AFG3L2: variants seen among roughly 807,000 people sequenced by gnomAD.
The protein encoded by AFG3L2 is mitochondrial inner membrane m-AAA protease component AFG3L2.
In AFG3L2, 54 loss-of-function variants were observed where a neutral mutation model predicts 94.5. That is an observed-to-expected ratio of 0.57 (90% CI 0.46 to 0.72). The LOEUF is 0.72. Ranked by LOEUF, AFG3L2 falls within the 30% of genes least tolerant of loss-of-function variation. The pLI is 0.00. For missense variants in AFG3L2, 754 were observed against 994.9 expected (o/e 0.76, Z 3.26); for synonymous variants, 377 against 365.5 (o/e 1.03, Z -0.36).
At chr18:12,359,788 TA>T in intron 7 of AFG3L2, 138 bp downstream of exon 7, 1 of 1,100,032 alleles carries the variant, frequency 9.1e-7, no homozygotes, top group Non-Finnish European at 1.3e-6. Flanking sequence ...AGTGAGTTAC[TA>T]ATAGTTTTTT....
At chr18:12,345,257 T>C (rs1392778016) in intron 13 of AFG3L2, among the ~76,000 whole-genome samples, 2 of 152,268 alleles carry the variant, frequency 1.3e-5, no homozygotes, top group Non-Finnish European at 2.9e-5. Flanking sequence ...ACCACAGTGC[T>C]GACCGGACTC....
intron 9 of AFG3L2, 144 bp downstream of exon 9, chr18:12,356,550 G>C (rs765253788): frequency 1.2e-5 from 14 of 1,196,536 alleles, no homozygotes; most frequent in Non-Finnish European, 1.5e-5. Context: ...TGAAGTCTTA[G>C]GCCTGGAGGA....
At chr18:12,329,929 T>G (rs1907464528) in intron 16 of AFG3L2, 146 bp from the exon 17 acceptor site, 1 of 716,648 alleles carries the variant, frequency 1.4e-6, no homozygotes, top group Admixed American at 2.5e-5. Flanking sequence ...TGCATAGTTT[T>G]AGAGTAAGAT....
chr18:12,359,542 C>A (rs972698122), intron 7 of AFG3L2, among the ~76,000 whole-genome samples: 1 of 152,076 alleles, frequency 6.6e-6, no homozygotes, highest in Non-Finnish European at 1.5e-5. Context: ...AGTTCAAGAC[C>A]AGCCTGGCCA....
intron 13 of AFG3L2, among the ~76,000 whole-genome samples, chr18:12,346,974 T>C (rs1045678456): frequency 1.5e-5 from 2 of 137,872 alleles, no homozygotes; most frequent in African/African-American, 5.4e-5. Flanking sequence ...CCATCTCTAC[T>C]AAAAGTACAA....
At chr18:12,362,829 G>A (rs1908701522) in intron 6 of AFG3L2, among the ~76,000 whole-genome samples, 1 of 144,362 alleles carries the variant, frequency 6.9e-6, no homozygotes, top group Non-Finnish European at 1.5e-5. Flanking sequence ...TTTCTCCCTA[G>A]GCTTCCCTCC....
At chr18:12,370,611 C>G (rs1335150587) in intron 3 of AFG3L2, among the ~76,000 whole-genome samples, 1 of 151,934 alleles carries the variant, frequency 6.6e-6, no homozygotes, top group Non-Finnish European at 1.5e-5. Context: ...GTGTGCACCA[C>G]CATGTCTAAC....
chr18:12,336,364 A>G (rs1032883833), intron 16 of AFG3L2, among the ~76,000 whole-genome samples: 6 of 152,210 alleles, frequency 3.9e-5, no homozygotes, highest in African/African-American at 1.4e-4. Context: ...GGACTTACCA[A>G]CTGGTCCTGT....
intron 3 of AFG3L2, 73 bp downstream of exon 3, chr18:12,370,776 G>T: frequency 3.9e-6 from 4 of 1,033,208 alleles, no homozygotes; most frequent in Non-Finnish European, 3.0e-6. Context: ...TCTTTTCTTT[G>T]TTCAGTGGAA....
rs561014172 is a variant in AFG3L2 at position 12,362,817 on chromosome 18, A to AT, written c.627+964_627+965insA. Among the ~76,000 whole-genome samples, 352 of 152,200 alleles carry AT rather than the reference A, an allele frequency of 2.3e-3. 1 individual carries two copies. Among genetic ancestry groups the AT allele is most frequent in the Admixed American group, 7.0e-3 (107 of 15,284 alleles). On this transcript the variant is annotated intron_variant, in intron 6 of 16. Transcript: ENST00000269143. Reference sequence around the variant, plus strand: ...GCAGAGACATCCCACACACATCCCTACTTTCTCCCTAGGCTTCCCTCCTAG... The same window carrying AT: ...GCAGAGACATCCCACACACATCCCTATCTTTCTCCCTAGGCTTCCCTCCTAG...
At chr18:12,331,804 AATAAATATATATATATATAT>A (rs1362826532) in intron 16 of AFG3L2, among the ~76,000 whole-genome samples, 15 of 72,910 alleles carry the variant, frequency 2.1e-4, no homozygotes, top group East Asian at 1.5e-3. Flanking sequence ...AAAGTAAATA[AATAAATATATATATATATAT>A]ATATATATAT....
intron 3 of AFG3L2, among the ~76,000 whole-genome samples, chr18:12,368,973 C>G (rs1240990744): frequency 6.6e-6 from 1 of 152,110 alleles, no homozygotes; most frequent in Non-Finnish European, 1.5e-5. Context: ...AGGCTACAGG[C>G]ACCCGGTCAT....
chr18:12,354,522 C>T (rs1184051953), intron 9 of AFG3L2, among the ~76,000 whole-genome samples: 1 of 152,202 alleles, frequency 6.6e-6, no homozygotes, highest in Admixed American at 6.5e-5. Context: ...CTGACTGCCA[C>T]TAGGCATGAT....
chr18:12,377,032 GC>G lies in AFG3L2; in HGVS notation c.50del (p.Arg17ProfsTer39). 6.9e-7 allele frequency: 1 copy of G among 1,442,032 alleles called. No individual in the cohort carries two copies. The highest frequency in any genetic ancestry group is 9.1e-7 in the Non-Finnish European group (1 of 1,099,852). 89.3% of individuals were successfully genotyped at this position (1,442,032 alleles called of 1,614,324 possible). On this transcript the variant is annotated frameshift_variant, in exon 1 of 17. Coordinates refer to ENST00000269143, the MANE Select transcript of AFG3L2 (RefSeq NM_006796.3). LOFTEE classifies it high-confidence loss of function. ...RLWGRGGCWP[R>X]GLQQLLVPGG... is the part of the protein sequence containing the mutation. ...CAGGCACGAGGAGCTGCTGTAGGCC[GC>G]GGGGCCAGCAGCCGCCCCGGCCCCA...
At chr18:12,344,401 G>A (rs143042621) in intron 13 of AFG3L2, 154 bp from the exon 14 acceptor site, 24 of 679,068 alleles carry the variant, frequency 3.5e-5, no homozygotes, top group East Asian at 1.4e-4. Flanking sequence ...AAGGCCAGGC[G>A]CAGTGGCTCA....
chr18:12,342,695 A>G (rs1252700363), intron 14 of AFG3L2: 2 of 152,132 alleles, frequency 1.3e-5, no homozygotes, highest in African/African-American at 4.8e-5. Flanking sequence ...GTTTCAAATA[A>G]TTTTTTGCAT....
At chr18:12,333,005 AAT>A (rs1358134946) in intron 16 of AFG3L2, among the ~76,000 whole-genome samples, 1 of 69,582 alleles carries the variant, frequency 1.4e-5, no homozygotes, top group Non-Finnish European at 3.1e-5. Context: ...AATTATATAT[AAT>A]ATAAAATATA....
intron 1 of AFG3L2, among the ~76,000 whole-genome samples, chr18:12,372,413 C>A (rs553216574): frequency 1.1e-4 from 16 of 152,324 alleles, no homozygotes; most frequent in African/African-American, 3.8e-4. Flanking sequence ...ATGTGAGAAA[C>A]TGGAGCCCTG....
Position 12,377,195 on chromosome 18 carries a change from G to C in AFG3L2, c.-113C>G, listed in dbSNP as rs923618678. The C allele has an allele frequency of 2.4e-6, 2 of 817,836 alleles. No individual in the cohort carries two copies. The highest frequency in any genetic ancestry group is 3.7e-5 in the African/African-American group (2 of 54,222). The allele number at this position is 817,836 out of a possible 1,614,324, so 50.7% of individuals were successfully genotyped here. A position where few individuals can be genotyped will look rare whatever the true frequency, so the allele number is the denominator to read the frequency against. Reference sequence around the variant, plus strand: ...GGGAAAGGCCGCCAGGCAGCGAAGCGCGCCGGCGGCTCACGGAGGAGCCCA... The same window carrying C: ...GGGAAAGGCCGCCAGGCAGCGAAGCCCGCCGGCGGCTCACGGAGGAGCCCA... On this transcript the variant is annotated 5_prime_UTR_variant, in exon 1 of 17. Coordinates refer to ENST00000269143, the MANE Select transcript of AFG3L2 (RefSeq NM_006796.3).
Sources: gnomAD v4.1 joint callset for allele counts (sites outside exome capture counted in the v4.1 genomes callset) on GRCh38, gnomAD v4.1.1 for gene constraint, MANE v1.5 for transcripts, NCBI Gene and HGNC (gene_info 2026-07-23, HGNC 2026-07-21) for gene names.